Variants in DDR2 observed in about 807,000 individuals in gnomAD.
The protein encoded by DDR2 is discoidin domain-containing receptor 2.
In DDR2, 27 loss-of-function variants were observed where a neutral mutation model predicts 94.9. That is an observed-to-expected ratio of 0.28 (90% CI 0.21 to 0.39). The LOEUF is 0.39. DDR2 is among the 10% of genes least tolerant of loss of function. The pLI is 1.00. For synonymous variants in DDR2, 382 were observed against 377.2 expected, an observed-to-expected ratio of 1.01 and a Z score of -0.15; for missense variants, 783 against 1,076.0, an observed-to-expected ratio of 0.73 and a Z score of 3.81.
At chr1:162,724,907 T>A (rs919489964) in intron 3 of DDR2, among the ~76,000 whole-genome samples, 14 of 152,322 alleles carry the variant, frequency 9.2e-5, no homozygotes, top group African/African-American at 2.9e-4. Flanking sequence ...ATTGGCTCTT[T>A]CTTGCTTGTG....
At chr1:162,654,370 T>C (rs6689500) in intron 1 of DDR2, among the ~76,000 whole-genome samples, 139,154 of 152,082 alleles carry the variant, frequency 0.91, 64,252 homozygotes, top group Middle Eastern at 0.98. Flanking sequence ...CACTTGAGCC[T>C]GGGGGTTCAA....
chr1:162,785,553 C>T lies in DDR2; in HGVS notation c.*5307C>T, dbSNP rs1356547363. The T allele has an allele frequency of 6.6e-6, 1 of 152,068 alleles. No homozygotes were observed. The highest frequency in any genetic ancestry group is 1.5e-5 in the Non-Finnish European group (1 of 68,008). 9.4% of individuals were successfully genotyped at this position (152,068 alleles called of 1,614,324 possible). A position where few individuals can be genotyped will look rare whatever the true frequency, so the allele number is the denominator to read the frequency against. ...GTTTTATGATTGACATTTTTAAGTC[C>T]CCTATTTAAGGGGTCAAGATTATAA... On this transcript the variant is annotated 3_prime_UTR_variant, in exon 18 of 18. Coordinates refer to ENST00000367921, the MANE Select transcript of DDR2 (RefSeq NM_006182.4).
chr1:162,701,216 A>G (rs1212958432), intron 2 of DDR2, among the ~76,000 whole-genome samples: 1 of 152,258 alleles, frequency 6.6e-6, no homozygotes, highest in African/African-American at 2.4e-5. Flanking sequence ...TGGAAAAGTG[A>G]TTAATTTTGT....
intron 2 of DDR2, among the ~76,000 whole-genome samples, chr1:162,695,372 C>T (rs1364357621): frequency 6.6e-6 from 1 of 152,170 alleles, no homozygotes; most frequent in Non-Finnish European, 1.5e-5. Flanking sequence ...GCTGGGATTA[C>T]AGGCAGTAGC....
At position 162,770,421 on chromosome 1, in the gene DDR2, C is replaced by A. The variant is rs745562320; in HGVS notation, c.1413C>A (p.Tyr471Ter). 1 of 1,613,988 alleles carries A rather than the reference C, an allele frequency of 6.2e-7. No homozygotes were observed. Among genetic ancestry groups the A allele is most frequent in the African/African-American group, 1.3e-5 (1 of 74,882 alleles). ...GTGAACAAGGGTCCAACTCGACTTA[C>A]GATCGCATCTTTCCCCTTCGCCCTG... ...SPSEQGSNST[Y>*]DRIFPLRPDY... The change falls in exon 12 of 18, where the codon TAC becomes TAA. Residue 471 changes from tyrosine (Y) to a stop codon, truncating the protein, a stop_gained. Transcript: ENST00000367921. LOFTEE classifies it high-confidence loss of function.
intron 3 of DDR2, among the ~76,000 whole-genome samples, chr1:162,730,813 T>C (rs1662003818): frequency 6.6e-6 from 1 of 152,096 alleles, no homozygotes. Flanking sequence ...ACATTCCCCC[T>C]CCACACAGCC....
At chr1:162,659,166 T>G (rs959014755) in intron 2 of DDR2, among the ~76,000 whole-genome samples, 5 of 152,182 alleles carry the variant, frequency 3.3e-5, no homozygotes, top group African/African-American at 9.7e-5. Context: ...CAGCCTTGGT[T>G]TCTCATGGGC....
chr1:162,710,720 C>A (rs1371617335), intron 2 of DDR2, among the ~76,000 whole-genome samples: 1 of 151,816 alleles, frequency 6.6e-6, no homozygotes, highest in African/African-American at 2.4e-5. Flanking sequence ...CCCACCAAAT[C>A]TTAATCTTCA....
chr1:162,764,357 A>G lies in DDR2; in HGVS notation c.1100-1644A>G, dbSNP rs371341240. On this transcript the variant is annotated intron_variant, in intron 9 of 17. Transcript: ENST00000367921. The stretch of plus-strand genomic sequence containing the variant: ...GTTTAGAACATTGTTCATACCATTA[A>G]ATTTAAATGGGAAGATGAAAGATAC... Among the ~76,000 whole-genome samples, 37 of 151,634 alleles carry G rather than the reference A, an allele frequency of 2.4e-4. 1 individual carries two copies.
intron 2 of DDR2, among the ~76,000 whole-genome samples, chr1:162,663,263 C>T (rs986210685): frequency 6.6e-6 from 1 of 152,050 alleles, no homozygotes; most frequent in African/African-American, 2.4e-5. Context: ...ATCTGGCAGT[C>T]AAATATGCAG....
At chr1:162,774,763 C>G (rs1270638764) in intron 14 of DDR2, among the ~76,000 whole-genome samples, 2 of 152,100 alleles carry the variant, frequency 1.3e-5, no homozygotes, top group Non-Finnish European at 2.9e-5. Context: ...TGATGGATGG[C>G]CATGACTGCA....
intron 2 of DDR2, among the ~76,000 whole-genome samples, chr1:162,705,355 C>G (rs1485167422): frequency 6.6e-6 from 1 of 152,216 alleles, no homozygotes; most frequent in Non-Finnish European, 1.5e-5. Flanking sequence ...CTTCTCTCAC[C>G]ATGTCGCTCT....
chr1:162,641,181 A>G (rs138698200), intron 1 of DDR2, among the ~76,000 whole-genome samples: 1 of 152,314 alleles, frequency 6.6e-6, no homozygotes, highest in East Asian at 1.9e-4. Flanking sequence ...ACAATGTTTT[A>G]AATCTTTCTG....
intron 3 of DDR2, among the ~76,000 whole-genome samples, chr1:162,720,150 A>ATTT (rs5778286): frequency 2.0e-5 from 3 of 150,232 alleles, no homozygotes; most frequent in Non-Finnish European, 4.4e-5. Flanking sequence ...AATTGGAGTC[A>ATTT]TTTTTTTTTT....
At chr1:162,705,585 A>G (rs187042718) in intron 2 of DDR2, among the ~76,000 whole-genome samples, 1 of 152,288 alleles carries the variant, frequency 6.6e-6, no homozygotes, top group African/African-American at 2.4e-5. Flanking sequence ...CACGGCTGGT[A>G]GATTTACAGT....
chr1:162,675,404 C>T (rs1308671091), intron 2 of DDR2, among the ~76,000 whole-genome samples: 2 of 152,028 alleles, frequency 1.3e-5, no homozygotes, highest in East Asian at 1.9e-4. Flanking sequence ...GGGACGATGG[C>T]GGGACATGGA....
intron 2 of DDR2, among the ~76,000 whole-genome samples, chr1:162,689,621 G>A (rs1194750164): frequency 6.6e-6 from 1 of 150,944 alleles, no homozygotes. Flanking sequence ...TTGATGGGCT[G>A]CTGGAAAAAA....
At chr1:162,665,351 A>G (rs1329480650) in intron 2 of DDR2, among the ~76,000 whole-genome samples, 1 of 152,168 alleles carries the variant, frequency 6.6e-6, no homozygotes, top group East Asian at 1.9e-4. Context: ...ATGGTTGCCA[A>G]CATTCCTTGC....
At chr1:162,631,448 G>C (rs896621778), upstream of DDR2, 3 of 152,154 alleles carry the variant, frequency 2.0e-5, no homozygotes, top group African/African-American at 7.2e-5. Context: ...GCTCTCAAAG[G>C]TAAGCTCGGT....
Sources: gnomAD v4.1 joint callset for allele counts (sites outside exome capture counted in the v4.1 genomes callset) on GRCh38, gnomAD v4.1.1 for gene constraint, MANE v1.5 for transcripts, NCBI Gene and HGNC (gene_info 2026-07-23, HGNC 2026-07-21) for gene names.